NLGN4X: variants seen among roughly 807,000 people sequenced by gnomAD.
NLGN4X encodes the protein neuroligin-4, X-linked.
A neutral mutation model predicts 40.3 loss-of-function variants in NLGN4X; 3 were observed. The observed-to-expected ratio is 0.07, with a 90% CI of 0.03 to 0.19. The LOEUF (loss-of-function observed/expected upper bound fraction) is 0.19. Ranked by LOEUF, NLGN4X falls within the 10% of genes least tolerant of loss-of-function variation. The pLI is 1.00. For synonymous variants in NLGN4X, 270 were observed against 306.8 expected (o/e 0.88, Z 1.25); for missense variants, 382 against 708.3 (o/e 0.54, Z 5.23).
chrX:6,044,722 G>C (rs1356345430), intron 2 of NLGN4X, among the ~76,000 whole-genome samples: 1 of 111,570 alleles, frequency 9.0e-6, no homozygotes, highest in African/African-American at 3.3e-5. Flanking sequence ...CCTCTGGTGG[G>C]TGATGTGGAA....
At chrX:6,116,166 G>A (rs897859262) in intron 2 of NLGN4X, among the ~76,000 whole-genome samples, 8 of 104,035 alleles carry the variant, frequency 7.7e-5, no homozygotes, top group African/African-American at 2.8e-4. Context: ...GGTGGTGGGC[G>A]CCTGCAGTCC....
chrX:6,046,652 CAT>C (rs1446449543), intron 2 of NLGN4X, among the ~76,000 whole-genome samples: 3 of 110,486 alleles, frequency 2.7e-5, no homozygotes, highest in Non-Finnish European at 5.7e-5. Context: ...ATTTTTGCTG[CAT>C]ATATATATGC....
intron 1 of NLGN4X, among the ~76,000 whole-genome samples, chrX:6,193,074 TA>T (rs1922690946): frequency 9.0e-6 from 1 of 111,470 alleles, no homozygotes; most frequent in Non-Finnish European, 1.9e-5. Context: ...GACTCGCCAA[TA>T]ACTATTCCTG....
intron 2 of NLGN4X, among the ~76,000 whole-genome samples, chrX:6,138,905 A>T (rs2039883157): frequency 1.8e-5 from 2 of 111,352 alleles, no homozygotes; most frequent in African/African-American, 6.5e-5. Flanking sequence ...AAAACAAAAA[A>T]AAAAGTATAA....
chrX:5,921,133 T>TTATATATATATATACATATATA (rs1555919725), intron 3 of NLGN4X, among the ~76,000 whole-genome samples: 8 of 65,011 alleles, frequency 1.2e-4, no homozygotes, highest in Admixed American at 3.9e-4. Context: ...TAAGTATTTT[T>TTATATATATATATACATATATA]TATATATATA....
At chrX:6,059,482 G>A (rs1161099953) in intron 2 of NLGN4X, among the ~76,000 whole-genome samples, 2 of 111,823 alleles carry the variant, frequency 1.8e-5, no homozygotes, top group East Asian at 5.6e-4. Context: ...CCCACACACG[G>A]TGGCAGTTAA....
chrX:6,129,185 C>G (rs1297855234), intron 2 of NLGN4X, among the ~76,000 whole-genome samples: 1 of 112,371 alleles, frequency 8.9e-6, no homozygotes, highest in South Asian at 3.7e-4. Context: ...AAAGAAACAA[C>G]AGGTCGACCA....
intron 1 of NLGN4X, among the ~76,000 whole-genome samples, chrX:6,184,997 C>G (rs1205414191): frequency 1.8e-5 from 2 of 112,468 alleles, no homozygotes; most frequent in Non-Finnish European, 3.8e-5. Context: ...TTAGACCTTA[C>G]GGCTACTGGT....
At chrX:6,018,145 CAT>C (rs200426335) in intron 3 of NLGN4X, among the ~76,000 whole-genome samples, 4,208 of 110,091 alleles carry the variant, frequency 0.038, 176 homozygotes, top group African/African-American at 0.12. Context: ...TGTATACACA[CAT>C]ATGTATGTAT....
At chrX:5,968,438 C>A (rs184477983) in intron 3 of NLGN4X, among the ~76,000 whole-genome samples, 1 of 15,075 alleles carries the variant, frequency 6.6e-5, no homozygotes, top group Non-Finnish European at 1.2e-4. Flanking sequence ...TGTAAGTACC[C>A]CTCTCTCTCT....
At chrX:5,921,818 A>G (rs2033080693) in intron 3 of NLGN4X, among the ~76,000 whole-genome samples, 2 of 111,759 alleles carry the variant, frequency 1.8e-5, no homozygotes, top group African/African-American at 6.5e-5. Flanking sequence ...ACACGGTGTT[A>G]GGCTTTTAAG....
intron 3 of NLGN4X, among the ~76,000 whole-genome samples, chrX:5,925,808 T>G (rs1447464530): frequency 2.3e-5 from 2 of 88,144 alleles, no homozygotes; most frequent in Non-Finnish European, 4.4e-5. Flanking sequence ...TTACATTCAG[T>G]TGGTAATGAA....
intron 1 of NLGN4X, among the ~76,000 whole-genome samples, chrX:6,170,554 C>T (rs181837013): frequency 1.5e-3 from 169 of 111,640 alleles, no homozygotes; most frequent in African/African-American, 5.0e-3. Flanking sequence ...AATTTTGTTT[C>T]AATAAAGAAA....
chrX:6,120,835 A>G (rs1169822558), intron 2 of NLGN4X, among the ~76,000 whole-genome samples: 1 of 112,011 alleles, frequency 8.9e-6, no homozygotes, highest in Non-Finnish European at 1.9e-5. Context: ...AAGGAGAGGT[A>G]TAAAAAGCGT....
At chrX:5,928,205 A>G (rs2033402756) in intron 3 of NLGN4X, among the ~76,000 whole-genome samples, 1 of 112,540 alleles carries the variant, frequency 8.9e-6, no homozygotes, top group East Asian at 2.8e-4. Context: ...GTGTTATATA[A>G]ACAAGATTAA....
intron 3 of NLGN4X, among the ~76,000 whole-genome samples, chrX:6,018,394 G>A (rs2147180831): frequency 8.9e-6 from 1 of 112,082 alleles, no homozygotes; most frequent in Non-Finnish European, 1.9e-5. Context: ...ATTCCAAAAT[G>A]TTCTCCCAAC....
intron 2 of NLGN4X, among the ~76,000 whole-genome samples, chrX:6,059,221 T>C: frequency 8.9e-6 from 1 of 111,786 alleles, no homozygotes; most frequent in Admixed American, 9.5e-5. Flanking sequence ...ATGATCCAAG[T>C]GTGTCTACAT....
intron 1 of NLGN4X, among the ~76,000 whole-genome samples, chrX:6,217,613 A>G (rs1311996152): frequency 1.8e-5 from 2 of 108,882 alleles, no homozygotes; most frequent in East Asian, 2.9e-4. Context: ...TTGTCAGAAG[A>G]TTTTTTTTTT....
intron 3 of NLGN4X, among the ~76,000 whole-genome samples, chrX:5,933,259 A>G (rs1023167830): frequency 3.6e-5 from 4 of 111,878 alleles, no homozygotes; most frequent in African/African-American, 1.3e-4. Context: ...ATGAAATGCA[A>G]GCACAACCAA....
Sources: gnomAD v4.1 joint callset for allele counts (sites outside exome capture counted in the v4.1 genomes callset) on GRCh38, gnomAD v4.1.1 for gene constraint, MANE v1.5 for transcripts, NCBI Gene and HGNC (gene_info 2026-07-23, HGNC 2026-07-21) for gene names.